STT3A: variants seen among roughly 807,000 people sequenced by gnomAD.
STT3A encodes the protein STT3 oligosaccharyltransferase complex catalytic subunit A, also known as dolichyl-diphosphooligosaccharide--protein glycosyltransferase subunit STT3A.
A neutral mutation model predicts 89.2 loss-of-function variants in STT3A; 34 were observed. That is an observed-to-expected ratio of 0.38 (90% CI 0.29 to 0.51). The LOEUF (loss-of-function observed/expected upper bound fraction) is 0.51. STT3A is among the 20% of genes least tolerant of loss of function. The probability of loss-of-function intolerance (pLI) is 0.89; values close to 1 mark genes in which losing one functional copy is unlikely to be tolerated. For synonymous variants in STT3A, 282 were observed against 310.3 expected (o/e 0.91, Z 0.96); for missense variants, 555 against 889.5 (o/e 0.62, Z 4.78).
At position 125,618,445 on chromosome 11, in the gene STT3A, A is replaced by T; in HGVS notation, c.1847A>T (p.Asp616Val). 3 of 1,613,958 alleles carry T rather than the reference A, an allele frequency of 1.9e-6. No homozygotes were observed. Among genetic ancestry groups the T allele is most frequent in the South Asian group, 2.2e-5 (2 of 91,072 alleles). ...TDTGKHIKEN[D>V]YYTPTGEFRV... ...ACAGGCAAACATATCAAGGAGAATG[A>T]CTATTATACTCCAACTGGGGAGTTC... Residue 616 changes from aspartate to valine, a missense_variant, in exon 16 of 18, where the codon GAC becomes GTC. This residue lies in a region of STT3A where 273 missense variants were observed against 449.8 expected (regional missense o/e 0.61). Coordinates refer to ENST00000392708, the MANE Select transcript of STT3A (RefSeq NM_152713.5).
chr11:125,602,794 C>T lies in STT3A; in HGVS notation c.272-9C>T, dbSNP rs574883690. ...GACAACCTAATGGAGTTTCTTCTTC[C>T]TGTTACAGGTTTAATGATCACCTCT... On this transcript the variant is annotated splice_polypyrimidine_tract_variant and intron_variant, in intron 4 of 17. Coordinates refer to ENST00000392708, the MANE Select transcript of STT3A (RefSeq NM_152713.5). 1 of 1,613,952 alleles carries T rather than the reference C, an allele frequency of 6.2e-7. No homozygotes were observed. The highest frequency in any genetic ancestry group is 1.7e-5 in the Admixed American group (1 of 59,994).
chr11:125,612,391 C>CAT (rs1264226140), intron 11 of STT3A, among the ~76,000 whole-genome samples: 1 of 152,152 alleles, frequency 6.6e-6, no homozygotes, highest in African/African-American at 2.4e-5. Flanking sequence ...GACACACATG[C>CAT]ATATGTACAT....
intron 8 of STT3A, 121 bp from the exon 9 acceptor site, chr11:125,607,988 C>T (rs937249737): frequency 1.7e-5 from 18 of 1,075,974 alleles, no homozygotes; most frequent in African/African-American, 3.2e-5. Context: ...GCCCTGATTC[C>T]TTCGGGGCCT....
chr11:125,594,756 G>T (rs966310792), intron 1 of STT3A: 1 of 151,984 alleles, frequency 6.6e-6, no homozygotes. Context: ...TTAATCCCCC[G>T]ACTCTTCTGC....
At chr11:125,618,634 C>T (rs1453143050) in intron 16 of STT3A, 73 bp downstream of exon 16, 2 of 1,449,284 alleles carry the variant, frequency 1.4e-6, no homozygotes, top group African/African-American at 1.4e-5. Context: ...TTTCCATATG[C>T]CAAGCACTAG....
chr11:125,607,583 A>G (rs1432820260), intron 8 of STT3A, among the ~76,000 whole-genome samples: 5 of 152,252 alleles, frequency 3.3e-5, no homozygotes, highest in Non-Finnish European at 7.3e-5. Flanking sequence ...GAGCCCCAAC[A>G]CAGACCTACT....
At chr11:125,619,957 C>A in intron 16 of STT3A, 54 bp from the exon 17 acceptor site, 1 of 1,447,792 alleles carries the variant, frequency 6.9e-7, no homozygotes, top group Non-Finnish European at 9.6e-7. Flanking sequence ...TATACTGTCT[C>A]TCTAGGAAAT....
Position 125,595,872 on chromosome 11 carries a change from T to C in STT3A, c.-35-9T>C. On this transcript the variant is annotated splice_polypyrimidine_tract_variant and intron_variant, in intron 1 of 17. Transcript: ENST00000392708. ...TCAATATCTTGTGGTCTTGACTTTT[T>C]CATTTTAGCTGATCGTCGTGTGTTG... 7.4e-7 allele frequency: 1 copy of C among 1,345,374 alleles called. No homozygotes were observed. The highest frequency in any genetic ancestry group is 1.1e-6 in the Non-Finnish European group (1 of 941,980). 83.3% of individuals were successfully genotyped at this position (1,345,374 alleles called of 1,614,324 possible). A position where few individuals can be genotyped will look rare whatever the true frequency, so the allele number is the denominator to read the frequency against.
chr11:125,607,561 A>T (rs1939875870), intron 8 of STT3A, among the ~76,000 whole-genome samples: 1 of 152,218 alleles, frequency 6.6e-6, no homozygotes, highest in African/African-American at 2.4e-5. Context: ...TTAGAAATAA[A>T]TGCAAATTCT....
At position 125,613,887 on chromosome 11, in the gene STT3A, G is replaced by A. The variant is rs1940094636; in HGVS notation, c.1555-200G>A. Reference sequence around the variant, plus strand: ...TGTTGGGAATGTTGGTTTGTTATTTGTGCTGAGATTTTATAATTGTATATA... The same window carrying A: ...TGTTGGGAATGTTGGTTTGTTATTTATGCTGAGATTTTATAATTGTATATA... On this transcript the variant is annotated intron_variant, in intron 13 of 17. Transcript: ENST00000392708. The surrounding 1 kb of genome is among the most constrained non-coding windows in gnomAD (Gnocchi z 4.2). The A allele has an allele frequency of 1.8e-6, 1 of 540,998 alleles. No individual in the cohort carries two copies. Among genetic ancestry groups the A allele is most frequent in the Admixed American group, 3.2e-5 (1 of 31,720 alleles). The allele number at this position is 540,998 out of a possible 1,614,324, so 33.5% of individuals were successfully genotyped here.
At position 125,602,754 on chromosome 11, in the gene STT3A, C is replaced by G. The variant is rs1441329346; in HGVS notation, c.272-49C>G. On this transcript the variant is annotated intron_variant, in intron 4 of 17. Coordinates refer to ENST00000392708, the MANE Select transcript of STT3A (RefSeq NM_152713.5). Reference sequence around the variant, plus strand: ...TCTGGGATTTTCCCTTTCTTTTTCCCTTAAGTTCTGGTAAGACAACCTAAT... The same window carrying G: ...TCTGGGATTTTCCCTTTCTTTTTCCGTTAAGTTCTGGTAAGACAACCTAAT... 3.7e-6 allele frequency: 6 copies of G among 1,608,056 alleles called. No individual in the cohort carries two copies. The East Asian group carries it at 1.1e-4, about 30-fold the overall frequency.
Position 125,597,138 on chromosome 11 carries a change from T to G in STT3A, c.149+19T>G, listed in dbSNP as rs764165575. The G allele has an allele frequency of 7.4e-6, 12 of 1,613,708 alleles. No homozygotes were observed. The African/African-American group carries it at 8.0e-5, about 11-fold the overall frequency. ...TTGATCCGTGAGTACCTTTGCTTGATCTGGTATTATTTCCTTTGGGAGGCA... is the reference window on the plus strand; with the variant it reads ...TTGATCCGTGAGTACCTTTGCTTGAGCTGGTATTATTTCCTTTGGGAGGCA... On this transcript the variant is annotated intron_variant, in intron 3 of 17. Coordinates refer to ENST00000392708, the MANE Select transcript of STT3A (RefSeq NM_152713.5).
chr11:125,618,234 C>T, intron 15 of STT3A, 139 bp from the exon 16 acceptor site: 1 of 777,078 alleles, frequency 1.3e-6, no homozygotes, highest in Non-Finnish European at 2.0e-6. Flanking sequence ...GTATGTTGTC[C>T]TCACTATTTT....
At chr11:125,620,200 C>T in intron 17 of STT3A, 74 bp downstream of exon 17, 1 of 1,189,516 alleles carries the variant, frequency 8.4e-7, no homozygotes. Flanking sequence ...TAAAATGGGA[C>T]ATATATTTCT....
At chr11:125,611,863 ATTTTTTTTTTTTTTTT>A (rs59685125) in intron 11 of STT3A, among the ~76,000 whole-genome samples, 1 of 56,932 alleles carries the variant, frequency 1.8e-5, no homozygotes, top group Non-Finnish European at 3.2e-5. Context: ...AGGGATTTGA[ATTTTTTTTTTTTTTTT>A]TTTTTTTTTT....
chr11:125,604,822 A>G (rs191442258), intron 6 of STT3A, among the ~76,000 whole-genome samples: 85 of 152,272 alleles, frequency 5.6e-4, no homozygotes, highest in East Asian at 2.1e-3. Flanking sequence ...GTGGAAGGAG[A>G]GATTTGGGGC....
intron 9 of STT3A, 130 bp downstream of exon 9, chr11:125,608,419 A>G (rs888599308): frequency 2.1e-6 from 2 of 948,342 alleles, no homozygotes; most frequent in East Asian, 2.9e-5. Flanking sequence ...GGTTCAAGCG[A>G]TTCTCCTGCC....
rs759578412 is a variant in STT3A at position 125,614,448 on chromosome 11, C to A, written c.1774+22C>A. 1 of 1,600,270 alleles carries A rather than the reference C, an allele frequency of 6.2e-7. No homozygotes were observed. On this transcript the variant is annotated intron_variant, in intron 15 of 17. Coordinates refer to ENST00000392708, the MANE Select transcript of STT3A (RefSeq NM_152713.5). This position sits in a 1 kb window ranked among gnomAD's most constrained non-coding sequence, Gnocchi z 4.9. ...GATGGTAATATACTTGATTCTGTTT[C>A]TAGCTGCAGGACATAGATTCTAAGA...
chr11:125,597,156 G>A, intron 3 of STT3A, 37 bp downstream of exon 3: 5 of 1,609,668 alleles, frequency 3.1e-6, no homozygotes, highest in Non-Finnish European at 4.3e-6. Flanking sequence ...TATTTCCTTT[G>A]GGAGGCATTC....
Sources: allele counts gnomAD v4.1 joint callset (sites outside exome capture counted in the v4.1 genomes callset), GRCh38; gene constraint gnomAD v4.1.1; regional missense constraint gnomAD v4.1.1; non-coding constraint Gnocchi (gnomAD v3.1); transcripts MANE v1.5; gene names NCBI Gene and HGNC (gene_info 2026-07-23, HGNC 2026-07-21).